The following SUSD3 variants were observed in gnomAD, a reference collection of about 807,000 sequenced individuals.
SUSD3 encodes the protein sushi domain-containing protein 3.
SUSD3 carries 18 observed loss-of-function variants against 20.6 expected under a neutral mutation model. That is an observed-to-expected ratio of 0.87 (90% CI 0.60 to 1.30). SUSD3 has a LOEUF of 1.30. Among genes scored for constraint, SUSD3 ranks in the 50% most tolerant of loss-of-function variants. The pLI is 0.00. For missense variants in SUSD3, 306 were observed against 346.9 expected (o/e 0.88, Z 0.94); for synonymous variants, 137 against 141.5 (o/e 0.97, Z 0.23).
intron 1 of SUSD3, among the ~76,000 whole-genome samples, chr9:93,063,640 T>C (rs76215051): frequency 0.014 from 2,110 of 152,276 alleles, 18 homozygotes; most frequent in Non-Finnish European, 0.02. Context: ...TAAAGGAGGT[T>C]GGACCTCTTG....
At chr9:93,080,060 G>A (rs1826345871) in intron 4 of SUSD3, among the ~76,000 whole-genome samples, 1 of 152,082 alleles carries the variant, frequency 6.6e-6, no homozygotes, top group South Asian at 2.1e-4. Context: ...AGGCTTGGTG[G>A]CTCACACCTG....
At chr9:93,077,361 C>T (rs182544278) in intron 2 of SUSD3, among the ~76,000 whole-genome samples, 19 of 152,010 alleles carry the variant, frequency 1.2e-4, no homozygotes, top group African/African-American at 3.6e-4. Flanking sequence ...TCTCTGTGGC[C>T]CACCCTTCCT....
chr9:93,071,981 C>G (rs1220953777), intron 1 of SUSD3, among the ~76,000 whole-genome samples: 2 of 152,118 alleles, frequency 1.3e-5, no homozygotes, highest in African/African-American at 4.8e-5. Context: ...CTACCACCTT[C>G]CCACTGAGTG....
rs892528506 is a variant in SUSD3 at position 93,078,144 on chromosome 9, C to T, written c.425+151C>T. On this transcript the variant is annotated intron_variant, in intron 3 of 4. Coordinates refer to ENST00000375472, the MANE Select transcript of SUSD3 (RefSeq NM_145006.4). Reference sequence around the variant, plus strand: ...CTGCTCTGGGCCTGCGTCTCCCCCCCAAGTGCTGCTCCCGGCCCACGCAGC... The same window carrying T: ...CTGCTCTGGGCCTGCGTCTCCCCCCTAAGTGCTGCTCCCGGCCCACGCAGC... The T allele has an allele frequency of 9.9e-6, 11 of 1,110,436 alleles. No homozygotes were observed. In the East Asian group the frequency reaches 2.3e-4, roughly 23 times the overall value. 68.8% of individuals were successfully genotyped at this position (1,110,436 alleles called of 1,614,324 possible). A position where few individuals can be genotyped will look rare whatever the true frequency, so the allele number is the denominator to read the frequency against.
At chr9:93,075,731 T>TGGGGGGGG in intron 1 of SUSD3, 53 bp from the exon 2 acceptor site, 4 of 398,892 alleles carry the variant, frequency 1.0e-5, no homozygotes, top group East Asian at 9.5e-5. Flanking sequence ...AGCCCTGCCC[T>TGGGGGGGG]GCGTGCCCAC....
At chr9:93,065,357 A>C (rs1355482609) in intron 1 of SUSD3, among the ~76,000 whole-genome samples, 2 of 152,200 alleles carry the variant, frequency 1.3e-5, no homozygotes, top group African/African-American at 4.8e-5. Context: ...GAATGAATTC[A>C]CGTTCATCCA....
intron 4 of SUSD3, among the ~76,000 whole-genome samples, chr9:93,081,570 C>T (rs1228939521): frequency 1.3e-5 from 2 of 152,116 alleles, no homozygotes; most frequent in Non-Finnish European, 2.9e-5. Flanking sequence ...GCCACTCTTA[C>T]GACCTTATGC....
Position 93,084,748 on chromosome 9 carries a change from C to A in SUSD3, c.*1C>A, listed in dbSNP as rs1826585056. ...GCCCGCAGCATATGCCCTAGGGTGA[C>A]CACGCAGTGAGGCTGGTGCCCATGC... On this transcript the variant is annotated 3_prime_UTR_variant, in exon 5 of 5. Transcript: ENST00000375472. 2 of 1,497,432 alleles carry A rather than the reference C, an allele frequency of 1.3e-6. No individual in the cohort carries two copies. Among genetic ancestry groups the A allele is most frequent in the East Asian group, 2.5e-5 (1 of 39,668 alleles). 92.8% of individuals were successfully genotyped at this position (1,497,432 alleles called of 1,614,324 possible). A position where few individuals can be genotyped will look rare whatever the true frequency, so the allele number is the denominator to read the frequency against.
In SUSD3 at chr9:93,075,810, C is replaced by G. The variant is rs1340103261; in HGVS notation, c.115C>G (p.Pro39Ala). The G allele has an allele frequency of 6.2e-7, 1 of 1,612,560 alleles. No homozygotes were observed. The highest frequency in any genetic ancestry group is 8.5e-7 in the Non-Finnish European group (1 of 1,179,606). Residue 39 changes from proline to alanine, a missense_variant, in exon 2 of 5, where the codon CCG (proline) becomes GCG (alanine). Coordinates refer to ENST00000375472, the MANE Select transcript of SUSD3 (RefSeq NM_145006.4). ...TGTCAKLRLP[P>A]QATFQVLRGN... ...CACGTGCGCTAAGCTGCGGCTACCC[C>G]CGCAAGCAACCTTCCAAGTCCTTCG...
chr9:93,068,630 G>A lies in SUSD3; in HGVS notation c.89-7154G>A, dbSNP rs573065850. The stretch of plus-strand genomic sequence containing the variant: ...ACTCTCCAACTTTGTTCTTTTTCAA[G>A]AGTGTTTTGGCTATTCTAGGTCTTT... On this transcript the variant is annotated intron_variant, in intron 1 of 4. Transcript: ENST00000375472. Among the ~76,000 whole-genome samples the A allele has an allele frequency of 2.6e-5, 4 of 152,290 alleles. No homozygotes were observed. In the South Asian group the frequency reaches 8.3e-4, roughly 32 times the overall value.
At chr9:93,062,198 G>T (rs1564183730) in intron 1 of SUSD3, among the ~76,000 whole-genome samples, 1 of 152,258 alleles carries the variant, frequency 6.6e-6, no homozygotes, top group Non-Finnish European at 1.5e-5. Context: ...CGGCATGTGG[G>T]CTGAGGGCCG....
chr9:93,074,166 C>T (rs893426328), intron 1 of SUSD3, among the ~76,000 whole-genome samples: 9 of 151,936 alleles, frequency 5.9e-5, no homozygotes, highest in African/African-American at 1.2e-4. Flanking sequence ...CATCACTGGC[C>T]GGGTGTGGTG....
intron 1 of SUSD3, among the ~76,000 whole-genome samples, chr9:93,063,698 C>T (rs1261765581): frequency 2.0e-5 from 3 of 152,148 alleles, no homozygotes; most frequent in Non-Finnish European, 4.4e-5. Flanking sequence ...AGCAAGGACT[C>T]ACCCTACCCT....
chr9:93,075,809 C>A lies in SUSD3; in HGVS notation c.114C>A (p.Pro38=). 6.2e-7 allele frequency: 1 copy of A among 1,611,854 alleles called. No homozygotes were observed. The highest frequency in any genetic ancestry group is 8.5e-7 in the Non-Finnish European group (1 of 1,179,356). The part of the protein sequence containing the change: ...RTGTCAKLRL[P]PQATFQVLRG... ...GCACGTGCGCTAAGCTGCGGCTACC[C>A]CCGCAAGCAACCTTCCAAGTCCTTC... Residue 38 remains proline (P), a synonymous_variant, in exon 2 of 5, where the codon CCC becomes CCA. Transcript: ENST00000375472.
At chr9:93,083,371 A>T (rs1564197038) in intron 4 of SUSD3, among the ~76,000 whole-genome samples, 1 of 152,202 alleles carries the variant, frequency 6.6e-6, no homozygotes, top group Non-Finnish European at 1.5e-5. Context: ...GCTCCCAGGC[A>T]GGATCCTCGG....
intron 1 of SUSD3, 46 bp from the exon 2 acceptor site, chr9:93,075,738 C>G: frequency 3.0e-5 from 6 of 200,806 alleles, no homozygotes; most frequent in African/African-American, 4.5e-5. Flanking sequence ...CCCTGCGTGC[C>G]CACCCCCCCC....
At chr9:93,064,099 A>C (rs952680932) in intron 1 of SUSD3, among the ~76,000 whole-genome samples, 2 of 151,980 alleles carry the variant, frequency 1.3e-5, no homozygotes, top group Non-Finnish European at 2.9e-5. Context: ...ACCAGGCTAG[A>C]GTACAGTGCC....
chr9:93,074,653 C>T (rs1255650145), intron 1 of SUSD3, among the ~76,000 whole-genome samples: 1 of 136,224 alleles, frequency 7.3e-6, no homozygotes, highest in Non-Finnish European at 1.5e-5. Flanking sequence ...TGCAGTCTCA[C>T]TCTGTTGCCA....
intron 4 of SUSD3, 31 bp from the exon 5 acceptor site, chr9:93,084,506 T>C (rs759197671): frequency 6.5e-7 from 1 of 1,545,556 alleles, no homozygotes; most frequent in South Asian, 1.2e-5. Context: ...ATCCACACTC[T>C]TTTGCCAACT....
Sources: allele counts gnomAD v4.1 joint callset (sites outside exome capture counted in the v4.1 genomes callset), GRCh38; gene constraint gnomAD v4.1.1; transcripts MANE v1.5; gene names NCBI Gene and HGNC (gene_info 2026-07-23, HGNC 2026-07-21).